CADPS: variants seen among roughly 807,000 people sequenced by gnomAD.
CADPS encodes calcium dependent secretion activator, also known as calcium-dependent secretion activator 1.
Under a neutral mutation model 167.3 loss-of-function variants are expected in CADPS, and 57 were observed. The ratio of observed to expected loss-of-function variants is 0.34; its 90% CI spans 0.28 to 0.42. CADPS has a LOEUF of 0.42. CADPS is among the 20% of genes least tolerant of loss of function. The probability of loss-of-function intolerance (pLI) is 1.00; values close to 1 mark genes in which losing one functional copy is unlikely to be tolerated. For missense variants in CADPS, 1,414 were observed against 1,738.1 expected (o/e 0.81, Z 3.32); for synonymous variants, 676 against 635.3 (o/e 1.06, Z -0.96).
At chr3:62,450,571 A>G (rs1037517268) in intron 26 of CADPS, among the ~76,000 whole-genome samples, 6 of 152,136 alleles carry the variant, frequency 3.9e-5, no homozygotes, top group South Asian at 2.1e-4. Context: ...AGGACAACCC[A>G]TATCTTTTCT....
At chr3:62,823,991 G>A (rs1162313465) in intron 1 of CADPS, among the ~76,000 whole-genome samples, 4 of 151,882 alleles carry the variant, frequency 2.6e-5, no homozygotes, top group Non-Finnish European at 5.9e-5. Flanking sequence ...TCTCCTCTTT[G>A]CAGGCATTAC....
intron 9 of CADPS, among the ~76,000 whole-genome samples, chr3:62,567,597 T>TA (rs1562261796): frequency 9.9e-6 from 1 of 101,482 alleles, no homozygotes; most frequent in Admixed American, 1.3e-4. Context: ...TTTTTTTTTT[T>TA]AGAGTCTCAC....
chr3:62,754,300 T>G (rs1390682108), intron 2 of CADPS, among the ~76,000 whole-genome samples: 1 of 152,074 alleles, frequency 6.6e-6, no homozygotes, highest in African/African-American at 2.4e-5. Context: ...GCCTCCTGAG[T>G]AGCTGGGACT....
chr3:62,713,244 G>T (rs931744600), intron 3 of CADPS, among the ~76,000 whole-genome samples: 3 of 152,026 alleles, frequency 2.0e-5, no homozygotes, highest in African/African-American at 7.2e-5. Context: ...TCCTTCTCCT[G>T]GTAAAGGACT....
chr3:62,426,911 CA>C (rs34473998), intron 28 of CADPS, among the ~76,000 whole-genome samples: 78,752 of 141,716 alleles, frequency 0.56, 21,533 homozygotes, highest in East Asian at 0.65. Flanking sequence ...ACTAAAAATA[CA>C]AAAAAAAAAA....
At chr3:62,513,789 A>G (rs1374845422) in intron 16 of CADPS, 3 of 844,794 alleles carry the variant, frequency 3.6e-6, no homozygotes, top group African/African-American at 1.7e-5. Flanking sequence ...AAAACGTTAC[A>G]TTAGCTCAAA....
At chr3:62,428,213 A>G (rs1262623386) in intron 28 of CADPS, among the ~76,000 whole-genome samples, 1 of 151,412 alleles carries the variant, frequency 6.6e-6, no homozygotes, top group African/African-American at 2.4e-5. Flanking sequence ...GGAATTTGGA[A>G]TGAATGAAGT....
intron 3 of CADPS, among the ~76,000 whole-genome samples, chr3:62,720,723 T>C (rs1186529656): frequency 2.0e-5 from 3 of 152,092 alleles, no homozygotes; most frequent in Non-Finnish European, 2.9e-5. Flanking sequence ...AATCAGCTTG[T>C]TTGTAAGAGA....
At chr3:62,827,088 T>TATCCCA (rs1482691957) in intron 1 of CADPS, among the ~76,000 whole-genome samples, 1 of 152,198 alleles carries the variant, frequency 6.6e-6, no homozygotes, top group African/African-American at 2.4e-5. Context: ...ATAATTTGAT[T>TATCCCA]GCAGACAAGA....
chr3:62,820,951 C>T (rs997878518), intron 1 of CADPS, among the ~76,000 whole-genome samples: 1 of 152,038 alleles, frequency 6.6e-6, no homozygotes, highest in African/African-American at 2.4e-5. Flanking sequence ...CAGGCACGTG[C>T]CACCATGCCC....
chr3:62,427,349 A>C (rs139835731), intron 28 of CADPS, among the ~76,000 whole-genome samples: 81 of 152,280 alleles, frequency 5.3e-4, no homozygotes, highest in African/African-American at 1.9e-3. Flanking sequence ...TCCTTTAGAG[A>C]CAGTCACTGG....
chr3:62,765,584 A>T (rs1376731105), intron 2 of CADPS, among the ~76,000 whole-genome samples: 1 of 152,204 alleles, frequency 6.6e-6, no homozygotes, highest in Non-Finnish European at 1.5e-5. Context: ...CATCAGTAAA[A>T]TGGAAATACA....
intron 8 of CADPS, among the ~76,000 whole-genome samples, chr3:62,580,585 T>TAA (rs149549303): frequency 0.081 from 10,144 of 124,904 alleles, 422 homozygotes; most frequent in East Asian, 0.27. Flanking sequence ...TAAAGTATAA[T>TAA]AAAAAAAAAT....
chr3:62,802,505 G>A (rs1023039859), intron 1 of CADPS, among the ~76,000 whole-genome samples: 1 of 151,996 alleles, frequency 6.6e-6, no homozygotes, highest in East Asian at 1.9e-4. Context: ...TCTCTAACAG[G>A]TGCCCAGCAT....
intron 1 of CADPS, among the ~76,000 whole-genome samples, chr3:62,802,669 T>C (rs1374393193): frequency 2.0e-5 from 3 of 152,150 alleles, no homozygotes; most frequent in Admixed American, 6.6e-5. Flanking sequence ...ATCCCAGGTA[T>C]TGAATGAATT....
At chr3:62,485,334 C>T (rs1452074) in intron 21 of CADPS, among the ~76,000 whole-genome samples, 68,406 of 151,952 alleles carry the variant, frequency 0.45, 17,574 homozygotes, top group East Asian at 0.69. Context: ...GAAAACTCAG[C>T]GTTTGCATGC....
rs528068421 is a variant in CADPS at position 62,414,405 on chromosome 3, G to A, written c.3778-11220C>T. On this transcript the variant is annotated intron_variant, in intron 28 of 29. Coordinates refer to ENST00000383710, the MANE Select transcript of CADPS (RefSeq NM_003716.4). Reference sequence around the variant, plus strand: ...AGCCCTTATTTTAGGAAACAATTAAGTAGAATTAGGCTAATAATGCAAGGC... The same window carrying A: ...AGCCCTTATTTTAGGAAACAATTAAATAGAATTAGGCTAATAATGCAAGGC... Among the ~76,000 whole-genome samples the A allele has an allele frequency of 5.3e-5, 8 of 152,332 alleles. No individual in the cohort carries two copies. The South Asian group carries it at 1.7e-3, about 32-fold the overall frequency.
At chr3:62,501,908 C>A (rs1439342416) in intron 17 of CADPS, among the ~76,000 whole-genome samples, 2 of 152,170 alleles carry the variant, frequency 1.3e-5, no homozygotes. Flanking sequence ...AGTGTGTGCA[C>A]ATGTACGCAG....
chr3:62,585,342 C>A lies in CADPS; in HGVS notation c.1438-18G>T, dbSNP rs1303680497. The A allele has an allele frequency of 1.9e-6, 3 of 1,592,284 alleles. No homozygotes were observed. In the Admixed American group the frequency reaches 5.7e-5, roughly 30 times the overall value. On this transcript the variant is annotated intron_variant, in intron 7 of 29. Transcript: ENST00000383710. ...AGAATAACCTGTAGGGGAAAAAGGA[C>A]AAGCAACTAGAAAAGAGAAGCACCA... is the stretch of plus-strand genomic sequence containing the variant.
Sources: gnomAD v4.1 joint callset for allele counts (sites outside exome capture counted in the v4.1 genomes callset) on GRCh38, gnomAD v4.1.1 for gene constraint, MANE v1.5 for transcripts, NCBI Gene and HGNC (gene_info 2026-07-23, HGNC 2026-07-21) for gene names.